Variants in PCDHA6 observed in about 807,000 individuals in gnomAD.
PCDHA6 encodes the protein protocadherin alpha-6.
PCDHA6 carries 55 observed loss-of-function variants against 60.3 expected under a neutral mutation model. The ratio of observed to expected loss-of-function variants is 0.91; its 90% confidence interval spans 0.73 to 1.14. The LOEUF is 1.14. Ranked by LOEUF, PCDHA6 falls within the 50% of genes most tolerant of loss-of-function variation. PCDHA6 has a pLI of 0.00. For missense variants in PCDHA6, 1,327 were observed against 1,256.5 expected (o/e 1.06, Z -0.85); for synonymous variants, 652 against 557.9 (o/e 1.17, Z -2.38).
chr5:140,846,891 T>A (rs1554141528), intron 1 of PCDHA6, among the ~76,000 whole-genome samples: 1 of 149,346 alleles, frequency 6.7e-6, no homozygotes, highest in Non-Finnish European at 1.5e-5. Flanking sequence ...CAGAATGACG[T>A]TGAAGTTGAA....
intron 1 of PCDHA6, chr5:140,871,459 G>A (rs781872546): frequency 6.2e-6 from 10 of 1,605,178 alleles, no homozygotes; most frequent in Admixed American, 1.7e-5. Flanking sequence ...GGAGGAAGGG[G>A]AAAGACAGGA....
chr5:140,921,715 G>A (rs1313930887), intron 1 of PCDHA6, among the ~76,000 whole-genome samples: 9 of 152,080 alleles, frequency 5.9e-5, no homozygotes, highest in African/African-American at 1.7e-4. Flanking sequence ...GTAAACACAC[G>A]AATTACTCCC....
chr5:140,842,705 G>T, intron 1 of PCDHA6: 2 of 1,595,328 alleles, frequency 1.3e-6, no homozygotes, highest in Non-Finnish European at 1.7e-6. Context: ...CGAGTACACG[G>T]TGTTCGTGAA....
At chr5:140,877,340 A>G (rs782755927) in intron 1 of PCDHA6, 9 of 1,613,820 alleles carry the variant, frequency 5.6e-6, no homozygotes, top group Admixed American at 1.7e-5. Context: ...ATCCCGTTCC[A>G]CGTGGGGCTG....
intron 1 of PCDHA6, chr5:140,876,526 G>T: frequency 6.2e-7 from 1 of 1,614,164 alleles, no homozygotes; most frequent in Non-Finnish European, 8.5e-7. Context: ...TGAAGTAATG[G>T]TTACTTCACT....
At chr5:140,916,070 G>A (rs1554197282) in intron 1 of PCDHA6, among the ~76,000 whole-genome samples, 1 of 152,130 alleles carries the variant, frequency 6.6e-6, no homozygotes, top group Non-Finnish European at 1.5e-5. Flanking sequence ...CCTGTGGCCA[G>A]TACTACCACT....
intron 1 of PCDHA6, chr5:140,852,865 C>G (rs2042498317): frequency 7.4e-6 from 7 of 950,286 alleles, no homozygotes; most frequent in Non-Finnish European, 7.6e-6. Flanking sequence ...TTTACTATGT[C>G]ATCAATAATC....
At chr5:140,968,921 T>C (rs111394602) in intron 1 of PCDHA6, 34 of 1,614,098 alleles carry the variant, frequency 2.1e-5, no homozygotes, top group Non-Finnish European at 2.6e-5. Context: ...GTCTTTTATA[T>C]TTCTTTTGAC....
At chr5:140,911,160 G>A (rs1226577638) in intron 1 of PCDHA6, among the ~76,000 whole-genome samples, 1 of 152,086 alleles carries the variant, frequency 6.6e-6, no homozygotes, top group African/African-American at 2.4e-5. Context: ...AGACAAATGT[G>A]GAAAGGCTGA....
At chr5:140,836,449 C>T (rs1774490030) in intron 1 of PCDHA6, 2 of 1,613,826 alleles carry the variant, frequency 1.2e-6, no homozygotes, top group African/African-American at 1.3e-5. Flanking sequence ...ATTGCAGGCC[C>T]AGAGACCGAG....
At chr5:140,999,980 C>G (rs1386394350) in intron 3 of PCDHA6, among the ~76,000 whole-genome samples, 1 of 152,076 alleles carries the variant, frequency 6.6e-6, no homozygotes, top group East Asian at 1.9e-4. Flanking sequence ...GCTCTAGCGG[C>G]CTCTGGGTAG....
chr5:140,943,006 C>G (rs1314561126), intron 1 of PCDHA6, among the ~76,000 whole-genome samples: 1 of 151,932 alleles, frequency 6.6e-6, no homozygotes, highest in East Asian at 1.9e-4. Context: ...CCTGTAATCC[C>G]AGCACTTTGG....
intron 1 of PCDHA6, chr5:140,857,917 G>A: frequency 6.3e-7 from 1 of 1,597,868 alleles, no homozygotes; most frequent in South Asian, 1.1e-5. Context: ...CGTTTCGCGT[G>A]GGGCTGTACA....
At chr5:140,893,380 C>A (rs1554185596) in intron 1 of PCDHA6, among the ~76,000 whole-genome samples, 1 of 152,130 alleles carries the variant, frequency 6.6e-6, no homozygotes, top group African/African-American at 2.4e-5. Context: ...ATTTATGGGA[C>A]AGTGGCTCAT....
At chr5:140,876,361 C>A in intron 1 of PCDHA6, 1 of 1,613,880 alleles carries the variant, frequency 6.2e-7, no homozygotes. Flanking sequence ...TTCAATAAAT[C>A]CAGACACAGG....
Position 141,010,492 on chromosome 5 carries a change from C to T in PCDHA6, c.*555C>T. 8.0e-6 allele frequency: 5 copies of T among 628,626 alleles called. No homozygotes were observed. 38.9% of individuals were successfully genotyped at this position (628,626 alleles called of 1,614,324 possible). On this transcript the variant is annotated 3_prime_UTR_variant, in exon 4 of 4. Coordinates refer to ENST00000529310, the MANE Select transcript of PCDHA6 (RefSeq NM_018909.4). ...AGGGGAAGTGTAAACTTAAAGGGAC[C>T]AGACTTTCTAAATCTTACAACTCAA... is the stretch of plus-strand genomic sequence containing the variant.
chr5:140,922,158 A>G (rs1318778340), intron 1 of PCDHA6, among the ~76,000 whole-genome samples: 1 of 149,104 alleles, frequency 6.7e-6, no homozygotes, highest in South Asian at 2.2e-4. Flanking sequence ...CATCAAAAAC[A>G]ACAAAAAGTA....
intron 3 of PCDHA6, chr5:140,989,112 T>C (rs1312650713): frequency 1.3e-5 from 2 of 152,222 alleles, no homozygotes; most frequent in Non-Finnish European, 2.9e-5. Context: ...CTTTTGAATA[T>C]ATCTTAGAAA....
intron 1 of PCDHA6, chr5:140,868,560 T>C (rs2050524245): frequency 1.3e-5 from 2 of 152,862 alleles, no homozygotes; most frequent in South Asian, 2.1e-4. Flanking sequence ...TATTTTTATA[T>C]GAGGAACAAC....
Sources: gnomAD v4.1 joint callset for allele counts (sites outside exome capture counted in the v4.1 genomes callset) on GRCh38, gnomAD v4.1.1 for gene constraint, MANE v1.5 for transcripts, NCBI Gene and HGNC (gene_info 2026-07-23, HGNC 2026-07-21) for gene names.